Variants in RAB43 observed in about 807,000 individuals in gnomAD.
RAB43 encodes ras-related protein Rab-43.
Under a neutral mutation model 18.8 loss-of-function variants are expected in RAB43, and 6 were observed. That is an observed-to-expected ratio of 0.32 (90% CI 0.17 to 0.63). RAB43 has a LOEUF of 0.63. RAB43 is among the 30% of genes least tolerant of loss of function. RAB43 has a pLI of 0.79. For synonymous variants in RAB43, 103 were observed against 124.1 expected (o/e 0.83, Z 1.13); for missense variants, 195 against 289.1 (o/e 0.67, Z 2.36).
chr3:129,094,501 CTTTCTTTTTTTT>C (rs1933889778), intron 2 of RAB43, among the ~76,000 whole-genome samples: 1 of 76,310 alleles, frequency 1.3e-5, no homozygotes, highest in Admixed American at 1.7e-4. Flanking sequence ...TTGAATATAA[CTTTCTTTTTTTT>C]TTTTTTTTTT....
At chr3:129,121,160 G>C in intron 1 of RAB43, 126 bp downstream of exon 1, 1 of 899,962 alleles carries the variant, frequency 1.1e-6, no homozygotes, top group East Asian at 2.8e-5. Flanking sequence ...ACCCGAGGAA[G>C]GAAAAAGGGG....
chr3:129,120,231 A>T lies in RAB43; in HGVS notation c.204+1055T>A, dbSNP rs560197387. 4.6e-5 allele frequency among the ~76,000 whole-genome samples: 7 copies of T among 152,236 alleles called. No homozygotes were observed. In the South Asian group the frequency reaches 1.5e-3, roughly 32 times the overall value. On this transcript the variant is annotated intron_variant, in intron 1 of 2. Transcript: ENST00000315150. ...GGAGGCAACACCCAGAAATTATCCC[A>T]ATTTTATAGAAACAAAGACAAAGAG... is the stretch of plus-strand genomic sequence containing the variant.
intron 1 of RAB43, among the ~76,000 whole-genome samples, chr3:129,111,946 CA>C (rs1387529838): frequency 2.0e-5 from 3 of 152,060 alleles, no homozygotes; most frequent in Non-Finnish European, 4.4e-5. Flanking sequence ...GACCTACACA[CA>C]GTTAAAAGCC....
chr3:129,098,309 C>T (rs576401682), intron 1 of RAB43, among the ~76,000 whole-genome samples: 2 of 152,240 alleles, frequency 1.3e-5, no homozygotes, highest in Admixed American at 1.3e-4. Context: ...GCCACATTAG[C>T]GAGGCTCAGA....
intron 1 of RAB43, among the ~76,000 whole-genome samples, chr3:129,110,075 G>A (rs909677149): frequency 2.0e-5 from 3 of 151,948 alleles, no homozygotes; most frequent in African/African-American, 4.8e-5. Context: ...ATGTTGCCCA[G>A]GCTAATCTCA....
rs1935953978 is a variant in RAB43, at chr3:129,121,759, C to T, written c.-270G>A. Reference sequence around the variant, plus strand: ...CCCCCCGGACCCGCCAAGCCGGGCCCTCCGCAAAGCTCCGGCCGGTCCTCA... The same window carrying T: ...CCCCCCGGACCCGCCAAGCCGGGCCTTCCGCAAAGCTCCGGCCGGTCCTCA... On this transcript the variant is annotated 5_prime_UTR_variant, in exon 1 of 3. Coordinates refer to ENST00000315150, the MANE Select transcript of RAB43 (RefSeq NM_198490.3). 4.3e-6 allele frequency: 1 copy of T among 232,978 alleles called. No homozygotes were observed. The highest frequency in any genetic ancestry group is 2.3e-5 in the African/African-American group (1 of 43,368). 14.4% of individuals were successfully genotyped at this position (232,978 alleles called of 1,614,324 possible).
chr3:129,092,581 C>A, intron 2 of RAB43: 2 of 683,198 alleles, frequency 2.9e-6, no homozygotes, highest in Non-Finnish European at 5.3e-6. Flanking sequence ...GGCAACATAG[C>A]AGGACTGCAT....
Position 129,107,317 on chromosome 3 carries a change from T to C in RAB43, c.205-12148A>G, listed in dbSNP as rs976797277. On this transcript the variant is annotated intron_variant, in intron 1 of 2. Coordinates refer to ENST00000315150, the MANE Select transcript of RAB43 (RefSeq NM_198490.3). This position sits in a 1 kb window ranked among gnomAD's most constrained non-coding sequence, Gnocchi z 4.2. Reference sequence around the variant, plus strand: ...CTCCTGCAGGAATCAAACCCGTTCCTGAACAGCTTGGATGAGAAAAAGGTG... The same window carrying C: ...CTCCTGCAGGAATCAAACCCGTTCCCGAACAGCTTGGATGAGAAAAAGGTG... Among the ~76,000 whole-genome samples, 1 of 152,176 alleles carries C rather than the reference T, an allele frequency of 6.6e-6. No individual in the cohort carries two copies. The highest frequency in any genetic ancestry group is 2.4e-5 in the African/African-American group (1 of 41,446).
At chr3:129,104,924 G>A (rs551078285) in intron 1 of RAB43, among the ~76,000 whole-genome samples, 1 of 152,216 alleles carries the variant, frequency 6.6e-6, no homozygotes, top group South Asian at 2.1e-4. Flanking sequence ...TGGGCCTGTG[G>A]TCCAACCCTG....
intron 2 of RAB43, among the ~76,000 whole-genome samples, chr3:129,094,140 T>C (rs1028660220): frequency 6.6e-6 from 1 of 152,220 alleles, no homozygotes; most frequent in Non-Finnish European, 1.5e-5. Context: ...CGCACATTCA[T>C]GGGCCCCACC....
At chr3:129,106,376 G>C (rs1292467697) in intron 1 of RAB43, among the ~76,000 whole-genome samples, 1 of 152,164 alleles carries the variant, frequency 6.6e-6, no homozygotes, top group Non-Finnish European at 1.5e-5. Context: ...TTGGGATGTG[G>C]TAAGTCAAAC....
chr3:129,106,469 G>C (rs1437792736), intron 1 of RAB43, among the ~76,000 whole-genome samples: 1 of 152,182 alleles, frequency 6.6e-6, no homozygotes, highest in Non-Finnish European at 1.5e-5. Flanking sequence ...CCAGGGAAAG[G>C]TTTGGCCCTG....
Position 129,107,236 on chromosome 3 carries a change from G to A in RAB43, c.205-12067C>T, listed in dbSNP as rs969668175. The stretch of plus-strand genomic sequence containing the variant: ...GCCTGGTGTCCTTTACCATGGACGC[G>A]GCTCCTCCGCAAGCACATAGAAACT... On this transcript the variant is annotated intron_variant, in intron 1 of 2. Coordinates refer to ENST00000315150, the MANE Select transcript of RAB43 (RefSeq NM_198490.3). This position sits in a 1 kb window ranked among gnomAD's most constrained non-coding sequence, Gnocchi z 4.2. 1.3e-5 allele frequency among the ~76,000 whole-genome samples: 2 copies of A among 152,190 alleles called. No individual in the cohort carries two copies. Among genetic ancestry groups the A allele is most frequent in the South Asian group, 2.1e-4 (1 of 4,838 alleles).
intron 1 of RAB43, among the ~76,000 whole-genome samples, chr3:129,116,220 A>C (rs1935514816): frequency 1.3e-5 from 2 of 152,204 alleles, no homozygotes; most frequent in South Asian, 4.1e-4. Context: ...GAACATATCC[A>C]TTGAGGATAA....
chr3:129,100,021 A>C (rs1934321118), intron 1 of RAB43, among the ~76,000 whole-genome samples: 1 of 152,268 alleles, frequency 6.6e-6, no homozygotes, highest in Admixed American at 6.5e-5. Context: ...AAGATCCAAG[A>C]AGCTCAGCAA....
At position 129,091,188 on chromosome 3, in the gene RAB43, G is replaced by T. The variant is rs770560786; in HGVS notation, c.547C>A (p.Arg183=). The T allele has an allele frequency of 3.2e-6, 5 of 1,575,666 alleles. No homozygotes were observed. The highest frequency in any genetic ancestry group is 4.3e-6 in the Non-Finnish European group (5 of 1,155,540). Residue 183 remains arginine (R), a synonymous_variant, in exon 3 of 3, where the codon CGG becomes AGG. Coordinates refer to ENST00000315150, the MANE Select transcript of RAB43 (RefSeq NM_198490.3). ...TCGCTGAACAAGGGGCCCCCGTGCC[G>T]CATGATGAGCTCCGTGGCCACCCTC... The part of the protein sequence containing the change: ...FLRVATELIM[R]HGGPLFSEKS...
In RAB43 at chr3:129,121,696, C is replaced by G. The variant is rs1343351044; in HGVS notation, c.-207G>C. ...GGCTGGCTCCCGCCCCGGCCCGGCT[C>G]GGCCCCGCCCGGACCCGGTGCCCCG... On this transcript the variant is annotated 5_prime_UTR_variant, in exon 1 of 3. Transcript: ENST00000315150. 3.0e-6 allele frequency: 1 copy of G among 338,638 alleles called. No homozygotes were observed. Among genetic ancestry groups the G allele is most frequent in the Non-Finnish European group, 5.2e-6 (1 of 190,744 alleles). 21.0% of individuals were successfully genotyped at this position (338,638 alleles called of 1,614,324 possible).
chr3:129,094,946 G>A (rs763266252), intron 2 of RAB43, 40 bp downstream of exon 2: 13 of 1,588,854 alleles, frequency 8.2e-6, no homozygotes, highest in African/African-American at 1.3e-5. Flanking sequence ...TGGACAGGCA[G>A]AGTGATGGGA....
In RAB43 at chr3:129,114,015, G is replaced by A. The variant is rs571549359; in HGVS notation, c.204+7271C>T. Among the ~76,000 whole-genome samples the A allele has an allele frequency of 2.0e-5, 3 of 152,146 alleles. No individual in the cohort carries two copies. In the East Asian group the frequency reaches 5.8e-4, roughly 29 times the overall value. On this transcript the variant is annotated intron_variant, in intron 1 of 2. Coordinates refer to ENST00000315150, the MANE Select transcript of RAB43 (RefSeq NM_198490.3). ...CGCCACTGCACTCCACCTGGTGACA[G>A]AGCGAGACTCCGTCTCGAAAGAAAA...
Sources: allele counts gnomAD v4.1 joint callset (sites outside exome capture counted in the v4.1 genomes callset), GRCh38; gene constraint gnomAD v4.1.1; non-coding constraint Gnocchi (gnomAD v3.1); transcripts MANE v1.5; gene names NCBI Gene and HGNC (gene_info 2026-07-23, HGNC 2026-07-21).